Variants in ADAM8 observed in about 807,000 individuals in gnomAD.
The protein encoded by ADAM8 is ADAM metallopeptidase domain 8.
A neutral mutation model predicts 102.4 loss-of-function variants in ADAM8; 104 were observed. That is an observed-to-expected ratio of 1.02 (90% CI 0.87 to 1.20). The LOEUF is 1.20. Among genes scored for constraint, ADAM8 ranks in the 50% most tolerant of loss-of-function variants. ADAM8 has a pLI of 0.00. For missense variants in ADAM8, 1,132 were observed against 1,159.0 expected, an observed-to-expected ratio of 0.98 and a Z score of 0.34; for synonymous variants, 517 against 485.2, an observed-to-expected ratio of 1.07 and a Z score of -0.86.
intron 21 of ADAM8, among the ~76,000 whole-genome samples, chr10:133,266,399 T>G (rs911403052): frequency 6.6e-6 from 1 of 152,154 alleles, no homozygotes; most frequent in African/African-American, 2.4e-5. Flanking sequence ...AGTCTAAAAT[T>G]TGTTCAAAAT....
rs753231293 is a variant in ADAM8, at chr10:133,269,479, G to A, written c.1914C>T (p.Pro638=). The A allele has an allele frequency of 2.6e-5, 41 of 1,600,372 alleles. No homozygotes were observed. Among genetic ancestry groups the A allele is most frequent in the Middle Eastern group, 3.3e-4 (2 of 6,066 alleles). Residue 638 remains proline, a synonymous_variant, in exon 18 of 23, where the codon CCC becomes CCT. Coordinates refer to ENST00000445355, the MANE Select transcript of ADAM8 (RefSeq NM_001109.5). The stretch of plus-strand genomic sequence containing the variant: ...CCTCAGTCAGCAGCTTCGCGCAGTG[G>A]GGCGGGGCCCAGCCCGCGTGGCAGT... ...ECHCHAGWAP[P]HCAKLLTEVH...
At chr10:133,275,134 C>G (rs544811152) in intron 2 of ADAM8, 182 of 344,878 alleles carry the variant, frequency 5.3e-4, no homozygotes, top group African/African-American at 3.7e-3. Flanking sequence ...GCCAGGCCCC[C>G]CCCCCAACAC....
chr10:133,269,819 C>T, intron 17 of ADAM8, 78 bp downstream of exon 17: 1 of 1,517,532 alleles, frequency 6.6e-7, no homozygotes, highest in South Asian at 1.1e-5. Flanking sequence ...GCTCCCGTGT[C>T]CAGAGCTGTC....
At chr10:133,276,479 A>AG (rs1846757329) in intron 1 of ADAM8, among the ~76,000 whole-genome samples, 7 of 152,230 alleles carry the variant, frequency 4.6e-5, no homozygotes, top group Admixed American at 4.6e-4. Flanking sequence ...CTCGCGCAGC[A>AG]GGTGAAGCGT....
chr10:133,272,365 G>GGGCCCCCCC, intron 9 of ADAM8, 51 bp downstream of exon 9: 1 of 408,822 alleles, frequency 2.4e-6, no homozygotes, highest in Non-Finnish European at 3.5e-6. Flanking sequence ...ACCCCACCCT[G>GGGCCCCCCC]CCCGCCCTCC....
intron 21 of ADAM8, among the ~76,000 whole-genome samples, chr10:133,265,747 G>T (rs922021551): frequency 2.6e-5 from 4 of 151,936 alleles, no homozygotes; most frequent in South Asian, 2.1e-4. Flanking sequence ...GCAGTGAGCT[G>T]AGATCGCGCC....
intron 21 of ADAM8, among the ~76,000 whole-genome samples, chr10:133,264,777 A>G (rs1317126541): frequency 7.2e-6 from 1 of 139,048 alleles, no homozygotes; most frequent in Non-Finnish European, 1.5e-5. Flanking sequence ...TGCCGCATCT[A>G]CCTCCATGCC....
Position 133,270,448 on chromosome 10 carries a change from C to T in ADAM8, c.1697G>A (p.Cys566Tyr). 1 of 1,606,228 alleles carries T rather than the reference C, an allele frequency of 6.2e-7. No homozygotes were observed. Among genetic ancestry groups the T allele is most frequent in the Non-Finnish European group, 8.5e-7 (1 of 1,174,682 alleles). Residue 566 changes from cysteine to tyrosine, a missense_variant, in exon 16 of 23, where the codon TGC (cysteine) becomes TAC (tyrosine). By Grantham distance (194) the Cys-to-Tyr change is radical. Transcript: ENST00000445355. ...GGQQPLGRAI[C>Y]IVDVCHALTT... ...GAGCGCGTGGCACACATCCACGATGCAGATGGCACGCCCCAGGGGCTGCTG... is the reference window on the plus strand; with the variant it reads ...GAGCGCGTGGCACACATCCACGATGTAGATGGCACGCCCCAGGGGCTGCTG...
chr10:133,263,609 A>ACCGTCAGCCCCGTGGGGAGGCC, intron 22 of ADAM8, 79 bp downstream of exon 22: 1 of 64,798 alleles, frequency 1.5e-5, no homozygotes, highest in South Asian at 1.8e-4. Context: ...CCTCCAGGGC[A>ACCGTCAGCCCCGTGGGGAGGCC]GTGCCACCGT....
chr10:133,263,150 G>A lies in ADAM8; in HGVS notation c.*6C>T. The A allele has an allele frequency of 6.2e-7, 1 of 1,613,972 alleles. No individual in the cohort carries two copies. Among genetic ancestry groups the A allele is most frequent in the South Asian group, 1.1e-5 (1 of 91,088 alleles). ...TCCAAATTTCCACACAGGCGCAGGT[G>A]CCCCCCTAGGGTGCTGTGGGAGCTC... On this transcript the variant is annotated 3_prime_UTR_variant, in exon 23 of 23. Coordinates refer to ENST00000445355, the MANE Select transcript of ADAM8 (RefSeq NM_001109.5).
Position 133,270,940 on chromosome 10 carries a change from T to C in ADAM8, c.1505A>G (p.Tyr502Cys). The change falls in exon 14 of 23, where the codon TAC (tyrosine) becomes TGC (cysteine). Residue 502 changes from tyrosine (Y) to cysteine (C), a missense_variant. Tyr to Cys is a radical substitution (Grantham distance 194, BLOSUM62 -2). Transcript: ENST00000445355. The part of the protein sequence containing the change: ...QENGTPCSGG[Y>C]CYNGACPTLA... The stretch of plus-strand genomic sequence containing the variant: ...TGTGGGACAGGCCCCGTTGTAGCAG[T>C]AGCCCCCGGAGCAGGGCGTGCCGTT... The C allele has an allele frequency of 6.2e-7, 1 of 1,612,750 alleles. No individual in the cohort carries two copies. The highest frequency in any genetic ancestry group is 8.5e-7 in the Non-Finnish European group (1 of 1,179,902).
rs760721792 is a variant in ADAM8, at chr10:133,268,814, G to A, written c.1997C>T (p.Ala666Val). 2 of 1,610,478 alleles carry A rather than the reference G, an allele frequency of 1.2e-6. No homozygotes were observed. Among genetic ancestry groups the A allele is most frequent in the Non-Finnish European group, 1.7e-6 (2 of 1,179,888 alleles). ...VFVVVVLVLLAVVLVTLAGII... is the reference protein window; with the variant it reads ...VFVVVVLVLLVVVLVTLAGII... Reference sequence around the variant, plus strand: ...GCCTGCCAGGGTGACCAGCACAACTGCCAGGAGCACCAGAACCACCACCAC... The same window carrying A: ...GCCTGCCAGGGTGACCAGCACAACTACCAGGAGCACCAGAACCACCACCAC... The change falls in exon 19 of 23, where the codon GCA becomes GTA. Residue 666 changes from alanine (A) to valine (V), a missense_variant. Transcript: ENST00000445355.
intron 10 of ADAM8, 65 bp downstream of exon 10, chr10:133,272,128 G>A (rs996964284): frequency 2.6e-6 from 4 of 1,518,256 alleles, no homozygotes; most frequent in East Asian, 2.5e-5. Context: ...GACCTGGACC[G>A]AGGCGTCCCC....
At position 133,275,560 on chromosome 10, in the gene ADAM8, A is replaced by G; in HGVS notation, c.74T>C (p.Leu25Pro). ...CAACACGACCTCATACTGCTCCATG[A>G]GGGCCCAGGGCCGGCTGGGGGCAAT... is the stretch of plus-strand genomic sequence containing the variant. ...PAIAPSRPWA[L>P]MEQYEVVLPW... Residue 25 changes from leucine (L) to proline (P), a missense_variant, in exon 2 of 23, where the codon CTC becomes CCC. Leu to Pro is a moderately conservative substitution (Grantham distance 98). Transcript: ENST00000445355. 1 of 1,493,382 alleles carries G rather than the reference A, an allele frequency of 6.7e-7. No homozygotes were observed. Among genetic ancestry groups the G allele is most frequent in the South Asian group, 1.3e-5 (1 of 75,390 alleles). The allele number at this position is 1,493,382 out of a possible 1,614,324, so 92.5% of individuals were successfully genotyped here. A position where few individuals can be genotyped will look rare whatever the true frequency, so the allele number is the denominator to read the frequency against.
intron 21 of ADAM8, chr10:133,263,978 T>C (rs974980460): frequency 2.3e-6 from 1 of 438,126 alleles, no homozygotes; most frequent in South Asian, 4.1e-5. Flanking sequence ...CAGAACGCCA[T>C]CCTGGGCCCA....
rs1300299311 is a variant in ADAM8, at chr10:133,263,079, C to T, written c.*77G>A. 1 of 1,548,674 alleles carries T rather than the reference C, an allele frequency of 6.5e-7. No individual in the cohort carries two copies. On this transcript the variant is annotated 3_prime_UTR_variant, in exon 23 of 23. Coordinates refer to ENST00000445355, the MANE Select transcript of ADAM8 (RefSeq NM_001109.5). ...AGGGTCTAGGGCTGAGCGGCACTAG[C>T]TGGACCGTGGAATGCTGGAACGCAT...
Position 133,263,679 on chromosome 10 carries a change from G to A in ADAM8, c.2397+9C>T. The A allele has an allele frequency of 9.1e-7, 1 of 1,096,820 alleles. No homozygotes were observed. Among genetic ancestry groups the A allele is most frequent in the South Asian group, 1.9e-5 (1 of 51,392 alleles). The allele number at this position is 1,096,820 out of a possible 1,614,324, so 67.9% of individuals were successfully genotyped here. A position where few individuals can be genotyped will look rare whatever the true frequency, so the allele number is the denominator to read the frequency against. On this transcript the variant is annotated intron_variant, in intron 22 of 22. Transcript: ENST00000445355. Reference sequence around the variant, plus strand: ...AGTGGACTCTGCCTGGTGTGTGCTGGGGCCTCACCTCAGCTGGACCAGGGT... The same window carrying A: ...AGTGGACTCTGCCTGGTGTGTGCTGAGGCCTCACCTCAGCTGGACCAGGGT...
Position 133,268,606 on chromosome 10 carries a change from C to G in ADAM8, c.2063+142G>C. ...AAGGCCCTTCAAACTCAGCCCAAGC[C>G]GGGGGGCGTCATGACGTCGGGGCAC... On this transcript the variant is annotated intron_variant, in intron 19 of 22. Transcript: ENST00000445355. 6 of 922,878 alleles carry G rather than the reference C, an allele frequency of 6.5e-6. No individual in the cohort carries two copies. The South Asian group carries it at 1.0e-4, about 15-fold the overall frequency. 57.2% of individuals were successfully genotyped at this position (922,878 alleles called of 1,614,324 possible).
intron 18 of ADAM8, 144 bp from the exon 19 acceptor site, chr10:133,269,006 G>C: frequency 1.4e-5 from 21 of 1,454,054 alleles, no homozygotes; most frequent in Non-Finnish European, 1.9e-5. Context: ...CCTTACACTG[G>C]CACTCCCAGC....
Sources: gnomAD v4.1 joint callset for allele counts (sites outside exome capture counted in the v4.1 genomes callset) on GRCh38, gnomAD v4.1.1 for gene constraint, MANE v1.5 for transcripts, NCBI Gene and HGNC (gene_info 2026-07-23, HGNC 2026-07-21) for gene names.